The following C1QTNF2 variants were observed in gnomAD, a reference collection of about 807,000 sequenced individuals.
C1QTNF2 encodes C1q and TNF related 2.
A neutral mutation model predicts 17.4 loss-of-function variants in C1QTNF2; 15 were observed. The observed-to-expected ratio is 0.86, with a 90% confidence interval of 0.58 to 1.33. The LOEUF is 1.33. C1QTNF2 is among the 40% of genes most tolerant of loss of function. C1QTNF2 has a pLI of 0.00. For synonymous variants in C1QTNF2, 154 were observed against 163.3 expected (o/e 0.94, Z 0.44); for missense variants, 381 against 392.3 (o/e 0.97, Z 0.24).
chr5:160,355,330 A>G (rs983857692), intron 1 of C1QTNF2: 1 of 727,976 alleles, frequency 1.4e-6, no homozygotes, highest in Non-Finnish European at 1.7e-6. Context: ...CCAGAGACTG[A>G]TGACTGGGAG....
intron 2 of C1QTNF2, among the ~76,000 whole-genome samples, chr5:160,351,838 C>A (rs1204965314): frequency 6.7e-6 from 1 of 149,006 alleles, no homozygotes; most frequent in Non-Finnish European, 1.5e-5. Context: ...AGTCACAAAG[C>A]TATTTCTTGA....
chr5:160,350,666 C>A (rs1169995302), intron 2 of C1QTNF2, among the ~76,000 whole-genome samples: 2 of 152,058 alleles, frequency 1.3e-5, no homozygotes, highest in African/African-American at 4.8e-5. Flanking sequence ...TGTGTCACTG[C>A]ATTCCAGCCT....
At chr5:160,359,900 C>A (rs1232170247) in intron 1 of C1QTNF2, among the ~76,000 whole-genome samples, 1 of 152,226 alleles carries the variant, frequency 6.6e-6, no homozygotes, top group Non-Finnish European at 1.5e-5. Flanking sequence ...TAGCCCCTGC[C>A]CCAGCCTCAG....
intron 2 of C1QTNF2, among the ~76,000 whole-genome samples, chr5:160,351,807 G>A (rs1763927776): frequency 6.6e-6 from 1 of 150,536 alleles, no homozygotes; most frequent in African/African-American, 2.4e-5. Context: ...AAAAAGAATG[G>A]GAAAAAATAA....
chr5:160,349,151 G>A lies in C1QTNF2; in HGVS notation c.*17C>T. 1 of 1,593,490 alleles carries A rather than the reference G, an allele frequency of 6.3e-7. No individual in the cohort carries two copies. Among genetic ancestry groups the A allele is most frequent in the Non-Finnish European group, 8.6e-7 (1 of 1,168,152 alleles). On this transcript the variant is annotated 3_prime_UTR_variant, in exon 3 of 3. Transcript: ENST00000652664. This position sits in a 1 kb window ranked among gnomAD's most constrained non-coding sequence, Gnocchi z 4.3. ...TCCAGAAGCTTGTTCCCTGCCTGGA[G>A]GACCGCCGTGGCATGTCTATACCTC...
chr5:160,359,369 A>G (rs1177558267), intron 1 of C1QTNF2, among the ~76,000 whole-genome samples: 2 of 152,206 alleles, frequency 1.3e-5, no homozygotes, highest in African/African-American at 4.8e-5. Flanking sequence ...ACAAGTAGTT[A>G]GTGGCAGAAG....
intron 1 of C1QTNF2, among the ~76,000 whole-genome samples, chr5:160,360,676 G>C (rs1239471215): frequency 6.6e-6 from 1 of 152,190 alleles, no homozygotes; most frequent in Admixed American, 6.5e-5. Context: ...CTTTCTGGGG[G>C]TGGGAAGGTG....
At chr5:160,350,915 T>C (rs887915091) in intron 2 of C1QTNF2, among the ~76,000 whole-genome samples, 1 of 152,178 alleles carries the variant, frequency 6.6e-6, no homozygotes, top group African/African-American at 2.4e-5. Context: ...CACGCCCGGC[T>C]AATTTTTTGT....
chr5:160,364,192 C>T (rs893476293), intron 1 of C1QTNF2, among the ~76,000 whole-genome samples: 114 of 152,322 alleles, frequency 7.5e-4, no homozygotes, highest in African/African-American at 2.5e-3. Context: ...ATGTATTTCA[C>T]ACTTGCAGCG....
chr5:160,357,682 G>A (rs899145261), intron 1 of C1QTNF2, among the ~76,000 whole-genome samples: 1 of 152,238 alleles, frequency 6.6e-6, no homozygotes, highest in Non-Finnish European at 1.5e-5. Flanking sequence ...GAGAGAAGGA[G>A]GGAGTAAGTG....
chr5:160,366,208 G>A (rs1276724580), intron 1 of C1QTNF2, among the ~76,000 whole-genome samples: 3 of 152,172 alleles, frequency 2.0e-5, no homozygotes. Flanking sequence ...TACAATGTTT[G>A]GTTTTCCATT....
chr5:160,349,513 C>G lies in C1QTNF2; in HGVS notation c.513G>C (p.Lys171Asn). ...AGTGGCCACCCTCGTTCATCAGAAT[C>G]TTGTCAAACTTGATGGGCAGCCGCT... Reference protein sequence around the residue: ...PRERLPIKFDKILMNEGGHYN... With the variant: ...PRERLPIKFDNILMNEGGHYN... Residue 171 changes from lysine to asparagine, a missense_variant, in exon 3 of 3, where the codon AAG (lysine) becomes AAC (asparagine). By Grantham distance (94) the Lys-to-Asn change is moderately conservative. Transcript: ENST00000652664. This position sits in a 1 kb window ranked among gnomAD's most constrained non-coding sequence, Gnocchi z 4.3. The G allele has an allele frequency of 6.2e-7, 1 of 1,614,078 alleles. No individual in the cohort carries two copies. Among genetic ancestry groups the G allele is most frequent in the Non-Finnish European group, 8.5e-7 (1 of 1,180,018 alleles).
chr5:160,363,102 T>C (rs1016786517), intron 1 of C1QTNF2, among the ~76,000 whole-genome samples: 5 of 152,214 alleles, frequency 3.3e-5, no homozygotes, highest in Non-Finnish European at 5.9e-5. Context: ...CAATTCTCCC[T>C]GTGTTTGGTG....
At chr5:160,354,743 A>C (rs377507408) in intron 2 of C1QTNF2, 25 bp downstream of exon 2, 308 of 1,613,050 alleles carry the variant, frequency 1.9e-4, no homozygotes, top group Non-Finnish European at 2.4e-4. Flanking sequence ...GGTGGGAACG[A>C]GAGTGGCACG....
In C1QTNF2 at chr5:160,348,953, C is replaced by A. The variant is rs1428420000; in HGVS notation, c.*215G>T. Reference sequence around the variant, plus strand: ...TCAGAGAATAGCATAGTGCCTGTTACACAGTAGATACTTTAAAAAGAAGTG... The same window carrying A: ...TCAGAGAATAGCATAGTGCCTGTTAAACAGTAGATACTTTAAAAAGAAGTG... On this transcript the variant is annotated 3_prime_UTR_variant, in exon 3 of 3. Transcript: ENST00000652664. 1 of 576,262 alleles carries A rather than the reference C, an allele frequency of 1.7e-6. No homozygotes were observed. The highest frequency in any genetic ancestry group is 1.9e-5 in the African/African-American group (1 of 53,768). The allele number at this position is 576,262 out of a possible 1,614,324, so 35.7% of individuals were successfully genotyped here.
intron 1 of C1QTNF2, among the ~76,000 whole-genome samples, chr5:160,359,759 T>TG (rs1764118223): frequency 6.6e-6 from 1 of 152,168 alleles, no homozygotes; most frequent in African/African-American, 2.4e-5. Flanking sequence ...GGTGTGTTAA[T>TG]GGGGGAGTTT....
At chr5:160,368,357 C>T (rs546009143) in intron 1 of C1QTNF2, among the ~76,000 whole-genome samples, 6 of 151,890 alleles carry the variant, frequency 4.0e-5, no homozygotes, top group Non-Finnish European at 8.8e-5. Context: ...TATGGTGAAA[C>T]CCCGTCTCTA....
At position 160,348,113 on chromosome 5, in the gene C1QTNF2, A is replaced by G. The variant is rs1237308512; in HGVS notation, c.*1055T>C. On this transcript the variant is annotated 3_prime_UTR_variant, in exon 3 of 3. Coordinates refer to ENST00000652664, the MANE Select transcript of C1QTNF2 (RefSeq NM_031908.6). ...GCCCCCAGATCCCTGCATACTGGCA[A>G]CACCTGTGCTTGGGGTGCGATTCAT... 1 of 152,128 alleles carries G rather than the reference A, an allele frequency of 6.6e-6. No individual in the cohort carries two copies. Among genetic ancestry groups the G allele is most frequent in the Admixed American group, 6.6e-5 (1 of 15,252 alleles). The allele number at this position is 152,128 out of a possible 1,614,324, so 9.4% of individuals were successfully genotyped here. A position where few individuals can be genotyped will look rare whatever the true frequency, so the allele number is the denominator to read the frequency against.
At chr5:160,367,075 G>A (rs1325518809) in intron 1 of C1QTNF2, among the ~76,000 whole-genome samples, 1 of 151,954 alleles carries the variant, frequency 6.6e-6, no homozygotes, top group Non-Finnish European at 1.5e-5. Context: ...ACTGGCTGAG[G>A]AGGATTAAAA....
Sources: allele counts gnomAD v4.1 joint callset (sites outside exome capture counted in the v4.1 genomes callset), GRCh38; gene constraint gnomAD v4.1.1; non-coding constraint Gnocchi (gnomAD v3.1); transcripts MANE v1.5; gene names NCBI Gene and HGNC (gene_info 2026-07-23, HGNC 2026-07-21).